Variants in LARP1 observed in about 807,000 individuals in gnomAD.
LARP1 encodes la-related protein 1.
LARP1 carries 36 observed loss-of-function variants against 122.7 expected under a neutral mutation model. The observed-to-expected ratio is 0.29, with a 90% CI of 0.22 to 0.39. LARP1 has a LOEUF of 0.39. Among genes scored for constraint, LARP1 ranks in the 10% least tolerant of loss-of-function variants. The probability of loss-of-function intolerance (pLI) is 1.00; values close to 1 mark genes in which losing one functional copy is unlikely to be tolerated. For synonymous variants in LARP1, 539 were observed against 528.7 expected (o/e 1.02, Z -0.27); for missense variants, 1,040 against 1,403.6 (o/e 0.74, Z 4.14).
intron 1 of LARP1, among the ~76,000 whole-genome samples, chr5:154,683,313 G>A (rs551523050): frequency 6.6e-6 from 1 of 152,230 alleles, no homozygotes; most frequent in Non-Finnish European, 1.5e-5. Context: ...AGATCTGGCC[G>A]GCACCTGATA....
At chr5:154,705,286 A>G (rs1754897830) in intron 1 of LARP1, among the ~76,000 whole-genome samples, 1 of 152,192 alleles carries the variant, frequency 6.6e-6, no homozygotes, top group Admixed American at 6.5e-5. Context: ...TGTTATTAAA[A>G]AGTTAAAAAA....
intron 1 of LARP1, among the ~76,000 whole-genome samples, chr5:154,694,897 T>G (rs757807058): frequency 1.7e-4 from 26 of 152,172 alleles, no homozygotes; most frequent in Non-Finnish European, 3.8e-4. Flanking sequence ...CCCTTTTTTT[T>G]GTTATTGTTG....
intron 7 of LARP1, 91 bp from the exon 8 acceptor site, chr5:154,795,084 A>G: frequency 7.9e-7 from 1 of 1,258,752 alleles, no homozygotes. Flanking sequence ...GCTGTGTGAG[A>G]TTGCTGGGGT....
At chr5:154,743,612 A>AGTTTGTTT (rs372268029) in intron 1 of LARP1, among the ~76,000 whole-genome samples, 2 of 135,964 alleles carry the variant, frequency 1.5e-5, no homozygotes, top group African/African-American at 2.8e-5. Context: ...TCTGGCCTAT[A>AGTTTGTTT]GTTTGTTTGT....
rs867025568 is a variant in LARP1 at position 154,732,192 on chromosome 5, A to C, written c.205+19062A>C. On this transcript the variant is annotated intron_variant, in intron 1 of 18. Transcript: ENST00000336314. ...AACAAAACAAAACAAAACAAAACAAAAAAAAAAAAAAAAGAAAGGTGAATC... is the reference window on the plus strand; with the variant it reads ...AACAAAACAAAACAAAACAAAACAACAAAAAAAAAAAAAGAAAGGTGAATC... Among the ~76,000 whole-genome samples the C allele has an allele frequency of 1.3e-3, 78 of 57,824 alleles. 1 individual carries two copies. In the South Asian group the frequency reaches 0.035, roughly 26 times the overall value. 37.9% of individuals were successfully genotyped at this position (57,824 alleles called of 152,430 possible).
chr5:154,805,212 A>G (rs1758670236), intron 14 of LARP1: 1 of 252,816 alleles, frequency 4.0e-6, no homozygotes, highest in Non-Finnish European at 7.8e-6. Context: ...CATACCTCTG[A>G]ACCTAAAATA....
intron 1 of LARP1, among the ~76,000 whole-genome samples, chr5:154,770,025 G>A (rs1408694239): frequency 6.6e-6 from 1 of 152,176 alleles, no homozygotes; most frequent in Non-Finnish European, 1.5e-5. Context: ...GCCAGCTTAG[G>A]GAGTCTGGAT....
At chr5:154,745,211 C>A (rs1021838998) in intron 1 of LARP1, among the ~76,000 whole-genome samples, 33 of 152,220 alleles carry the variant, frequency 2.2e-4, no homozygotes, top group Non-Finnish European at 2.9e-5. Flanking sequence ...CAGATGTGAG[C>A]CACCGCGCCT....
At chr5:154,727,640 G>C (rs1756307348) in intron 1 of LARP1, among the ~76,000 whole-genome samples, 1 of 152,126 alleles carries the variant, frequency 6.6e-6, no homozygotes, top group Non-Finnish European at 1.5e-5. Context: ...CTAAGAGAGT[G>C]AATGTTGTGT....
intron 1 of LARP1, among the ~76,000 whole-genome samples, chr5:154,734,733 G>A (rs1561552910): frequency 6.6e-6 from 1 of 152,026 alleles, no homozygotes; most frequent in Non-Finnish European, 1.5e-5. Flanking sequence ...ATTCAGTAGC[G>A]TTAAGTATAT....
intron 15 of LARP1, among the ~76,000 whole-genome samples, chr5:154,806,344 C>T (rs1307366098): frequency 1.3e-5 from 2 of 152,320 alleles, no homozygotes; most frequent in Admixed American, 6.5e-5. Context: ...GTCTAGTCCA[C>T]TGTCCATCAC....
At chr5:154,790,815 A>T (rs762639134) in intron 3 of LARP1, 105 bp downstream of exon 3, 133 of 1,054,366 alleles carry the variant, frequency 1.3e-4, no homozygotes, top group Middle Eastern at 2.0e-4. Context: ...CTCAGTTTTC[A>T]TTCTTTCTTT....
chr5:154,695,078 G>A (rs901705473), intron 1 of LARP1, among the ~76,000 whole-genome samples: 1 of 152,152 alleles, frequency 6.6e-6, no homozygotes, highest in African/African-American at 2.4e-5. Flanking sequence ...CACTTTTGGA[G>A]GCCGAGATGG....
At chr5:154,687,579 C>T (rs1753995603) in intron 1 of LARP1, among the ~76,000 whole-genome samples, 1 of 152,198 alleles carries the variant, frequency 6.6e-6, no homozygotes, top group Non-Finnish European at 1.5e-5. Flanking sequence ...GACGGGGTTT[C>T]ACCGTGTTAG....
intron 3 of LARP1, among the ~76,000 whole-genome samples, chr5:154,792,263 AGTT>A (rs1397715367): frequency 2.0e-5 from 3 of 152,260 alleles, no homozygotes; most frequent in African/African-American, 2.4e-5. Context: ...TCACAGACAG[AGTT>A]GTTGTTGATA....
At position 154,755,498 on chromosome 5, in the gene LARP1, G is replaced by C. The variant is rs1245505732; in HGVS notation, c.-260G>C. ...GGGGGCGTCTTGCGAGGAACGGGCG[G>C]GGGGGGACGCACGCCTAGGAGGCCT... On this transcript the variant is annotated 5_prime_UTR_variant, in exon 1 of 19. Coordinates refer to ENST00000518297, the MANE Select transcript of LARP1 (RefSeq NM_033551.3). The C allele has an allele frequency of 2.1e-6, 2 of 959,790 alleles. No homozygotes were observed. The highest frequency in any genetic ancestry group is 2.5e-6 in the Non-Finnish European group (2 of 805,162). The allele number at this position is 959,790 out of a possible 1,614,324, so 59.5% of individuals were successfully genotyped here.
intron 8 of LARP1, among the ~76,000 whole-genome samples, chr5:154,796,103 T>TTATATATAG (rs1757802895): frequency 8.1e-6 from 1 of 122,758 alleles, no homozygotes; most frequent in Non-Finnish European, 1.6e-5. Context: ...TTTTATATAT[T>TTATATATAG]TATATATAGT....
chr5:154,709,108 G>C (rs759270853), upstream of LARP1, among the ~76,000 whole-genome samples: 7 of 152,176 alleles, frequency 4.6e-5, no homozygotes, highest in Non-Finnish European at 7.3e-5. Flanking sequence ...AGCCAAAAGA[G>C]GAACACGTGT....
chr5:154,754,988 C>T (rs955654099), upstream of LARP1, among the ~76,000 whole-genome samples: 3 of 152,158 alleles, frequency 2.0e-5, no homozygotes, highest in Non-Finnish European at 4.4e-5. Context: ...CCCATGTGCT[C>T]CACCTGAGGC....
Sources: gnomAD v4.1 joint callset for allele counts (sites outside exome capture counted in the v4.1 genomes callset) on GRCh38, gnomAD v4.1.1 for gene constraint, MANE v1.5 for transcripts, NCBI Gene and HGNC (gene_info 2026-07-23, HGNC 2026-07-21) for gene names.